The following XRCC4 variants were observed in gnomAD, a reference collection of about 807,000 sequenced individuals.
XRCC4 encodes X-ray repair cross complementing 4.
Under a neutral mutation model 39.1 loss-of-function variants are expected in XRCC4, and 28 were observed. The ratio of observed to expected loss-of-function variants is 0.72; its 90% CI spans 0.53 to 0.98. The LOEUF is 0.98. XRCC4 is among the 50% of genes least tolerant of loss of function. The pLI is 0.00. For missense variants in XRCC4, 350 were observed against 376.4 expected (o/e 0.93, Z 0.58); for synonymous variants, 123 against 126.4 (o/e 0.97, Z 0.18).
intron 6 of XRCC4, among the ~76,000 whole-genome samples, chr5:83,210,132 A>G (rs1751584182): frequency 6.6e-6 from 1 of 152,190 alleles, no homozygotes; most frequent in Non-Finnish European, 1.5e-5. Flanking sequence ...ATTTTTAAGT[A>G]TCAAAGGGCT....
chr5:83,172,167 T>C (rs1021827242), intron 3 of XRCC4, among the ~76,000 whole-genome samples: 1 of 152,144 alleles, frequency 6.6e-6, no homozygotes, highest in African/African-American at 2.4e-5. Context: ...AGTTTGGGAA[T>C]TGGGACTTCC....
chr5:83,269,975 A>G (rs1011218768), intron 7 of XRCC4, among the ~76,000 whole-genome samples: 4 of 151,040 alleles, frequency 2.6e-5, no homozygotes, highest in African/African-American at 9.8e-5. Flanking sequence ...ACAACTCACC[A>G]TAATGTAGAA....
chr5:83,140,993 G>A (rs878906511), intron 3 of XRCC4, among the ~76,000 whole-genome samples: 5 of 152,078 alleles, frequency 3.3e-5, no homozygotes, highest in African/African-American at 7.2e-5. Flanking sequence ...TATGTGTCCC[G>A]TATTTCTTTT....
At chr5:83,365,858 G>C in the XRCC4 span, among the ~76,000 whole-genome samples, 1 of 152,128 alleles carries the variant, frequency 6.6e-6, no homozygotes. Context: ...TGGAGACTTG[G>C]TGACAATAGA....
intron 3 of XRCC4, among the ~76,000 whole-genome samples, chr5:83,154,003 C>G (rs930497866): frequency 3.9e-5 from 6 of 152,122 alleles, no homozygotes; most frequent in African/African-American, 1.4e-4. Context: ...GTGCTGTGCA[C>G]TCTGGAGAAA....
intron 7 of XRCC4, among the ~76,000 whole-genome samples, chr5:83,288,678 A>G (rs550167808): frequency 6.6e-6 from 1 of 151,788 alleles, no homozygotes; most frequent in African/African-American, 2.4e-5. Context: ...TGTATGTAAG[A>G]TATTTTTTAC....
In XRCC4 at chr5:83,155,126, T is replaced by G. The variant is rs574550524; in HGVS notation, c.316-40644T>G. On this transcript the variant is annotated intron_variant, in intron 3 of 7. Transcript: ENST00000396027. ...TCAACAAGCATATCTAATATTGTAA[T>G]AATCACATTTGGAAAATTAAGTTTG... 1.9e-4 allele frequency among the ~76,000 whole-genome samples: 29 copies of G among 152,320 alleles called. No individual in the cohort carries two copies. In the South Asian group the frequency reaches 5.8e-3, roughly 30 times the overall value.
At chr5:83,148,926 CAG>C (rs751826675) in intron 3 of XRCC4, among the ~76,000 whole-genome samples, 8 of 152,004 alleles carry the variant, frequency 5.3e-5, no homozygotes, top group Admixed American at 1.3e-4. Context: ...TTTTTTGTAA[CAG>C]TGTTTAACAA....
At chr5:83,339,733 C>T (rs1389618306) in intron 7 of XRCC4, among the ~76,000 whole-genome samples, 1 of 152,188 alleles carries the variant, frequency 6.6e-6, no homozygotes, top group Admixed American at 6.5e-5. Context: ...GCCTTCTAAG[C>T]TTGTGGCCCT....
chr5:83,091,040 C>T (rs1002559913), intron 1 of XRCC4, among the ~76,000 whole-genome samples: 5 of 152,086 alleles, frequency 3.3e-5, no homozygotes, highest in African/African-American at 9.7e-5. Flanking sequence ...TTGAAATGTA[C>T]AGTACTCAAT....
intron 6 of XRCC4, among the ~76,000 whole-genome samples, chr5:83,219,352 A>G (rs1302881751): frequency 2.0e-5 from 3 of 152,258 alleles, no homozygotes; most frequent in Middle Eastern, 3.4e-3. Flanking sequence ...CAATAGGTCT[A>G]TATCTTTCTG....
At chr5:83,265,399 G>A (rs932445843) in intron 7 of XRCC4, among the ~76,000 whole-genome samples, 14 of 152,132 alleles carry the variant, frequency 9.2e-5, no homozygotes, top group African/African-American at 2.9e-4. Flanking sequence ...GTTTTAAAAC[G>A]AGATAGGTTT....
At chr5:83,332,359 A>C (rs977269260) in intron 7 of XRCC4, among the ~76,000 whole-genome samples, 21 of 152,112 alleles carry the variant, frequency 1.4e-4, no homozygotes, top group Admixed American at 1.4e-3. Flanking sequence ...CATTGGACAT[A>C]TGTATGTAGG....
At chr5:83,152,425 G>A (rs920830540) in intron 3 of XRCC4, among the ~76,000 whole-genome samples, 1 of 151,976 alleles carries the variant, frequency 6.6e-6, no homozygotes, top group African/African-American at 2.4e-5. Flanking sequence ...CGAGGTCAGG[G>A]ATTCGAGACT....
At chr5:83,249,946 A>T (rs28360211) in intron 6 of XRCC4, among the ~76,000 whole-genome samples, 7,751 of 152,188 alleles carry the variant, frequency 0.051, 271 homozygotes, top group South Asian at 0.16. Context: ...AATTTATCCT[A>T]GTTCAATGAA....
At chr5:83,204,330 A>T (rs3822718) in intron 5 of XRCC4, among the ~76,000 whole-genome samples, 4 of 152,300 alleles carry the variant, frequency 2.6e-5, no homozygotes, top group African/African-American at 9.6e-5. Context: ...GTATAAAAAA[A>T]TTTGATATCA....
chr5:83,103,810 G>A (rs528263132), intron 1 of XRCC4, among the ~76,000 whole-genome samples: 1 of 152,248 alleles, frequency 6.6e-6, no homozygotes, highest in African/African-American at 2.4e-5. Context: ...AATAGAACAT[G>A]CTGTATGATT....
intron 3 of XRCC4, among the ~76,000 whole-genome samples, chr5:83,194,852 G>A (rs1185413785): frequency 1.3e-5 from 2 of 151,930 alleles, no homozygotes; most frequent in Non-Finnish European, 2.9e-5. Flanking sequence ...TCAATAACTT[G>A]GATAACTACT....
intron 7 of XRCC4, among the ~76,000 whole-genome samples, chr5:83,264,891 T>C (rs1362680390): frequency 6.6e-6 from 1 of 152,164 alleles, no homozygotes; most frequent in Non-Finnish European, 1.5e-5. Context: ...TACACATACA[T>C]GTATGTATGT....
Sources: gnomAD v4.1 joint callset for allele counts (sites outside exome capture counted in the v4.1 genomes callset) on GRCh38, gnomAD v4.1.1 for gene constraint, MANE v1.5 for transcripts, NCBI Gene and HGNC (gene_info 2026-07-23, HGNC 2026-07-21) for gene names.